Variants in NLGN1 observed in about 807,000 individuals in gnomAD.
NLGN1 encodes the protein neuroligin 1, also known as neuroligin-1.
NLGN1 carries 12 observed loss-of-function variants against 65.5 expected under a neutral mutation model. That is an observed-to-expected ratio of 0.18 (90% CI 0.12 to 0.30). NLGN1 has a LOEUF of 0.30. NLGN1 is among the 10% of genes least tolerant of loss of function. The probability of loss-of-function intolerance (pLI) is 1.00; values close to 1 mark genes in which losing one functional copy is unlikely to be tolerated. For synonymous variants in NLGN1, 350 were observed against 359.5 expected, an observed-to-expected ratio of 0.97 and a Z score of 0.30; for missense variants, 750 against 1,007.1, an observed-to-expected ratio of 0.74 and a Z score of 3.46.
At chr3:173,527,142 T>C (rs868448681) in intron 2 of NLGN1, among the ~76,000 whole-genome samples, 1 of 152,196 alleles carries the variant, frequency 6.6e-6, no homozygotes, top group Non-Finnish European at 1.5e-5. Flanking sequence ...GAGGAACCTC[T>C]ACACCTTTCT....
intron 4 of NLGN1, among the ~76,000 whole-genome samples, chr3:174,166,920 T>C (rs2152727689): frequency 6.6e-6 from 1 of 152,228 alleles, no homozygotes; most frequent in Middle Eastern, 3.4e-3. Flanking sequence ...ATATAACCTT[T>C]TGTTAATATG....
intron 2 of NLGN1, among the ~76,000 whole-genome samples, chr3:173,541,955 C>G (rs551348927): frequency 4.2e-4 from 64 of 151,904 alleles, no homozygotes; most frequent in African/African-American, 1.4e-3. Context: ...AAGTTAAATC[C>G]CTTACTTAGG....
intron 3 of NLGN1, among the ~76,000 whole-genome samples, chr3:173,711,383 A>G (rs6763697): frequency 0.058 from 8,825 of 152,268 alleles, 268 homozygotes; most frequent in South Asian, 0.077. Flanking sequence ...CAAAACATGA[A>G]GAAACAGAAG....
intron 2 of NLGN1, among the ~76,000 whole-genome samples, chr3:173,518,847 C>T (rs925115976): frequency 1.3e-5 from 2 of 152,142 alleles, no homozygotes; most frequent in Non-Finnish European, 2.9e-5. Context: ...ATTCGCATAA[C>T]TAAAAGGAAG....
At chr3:174,164,331 C>T (rs553789082) in intron 4 of NLGN1, among the ~76,000 whole-genome samples, 10 of 151,956 alleles carry the variant, frequency 6.6e-5, no homozygotes, top group Admixed American at 4.6e-4. Context: ...GGATATTAGA[C>T]CTTTGTCAGA....
intron 4 of NLGN1, among the ~76,000 whole-genome samples, chr3:174,146,203 C>A (rs989300490): frequency 2.7e-5 from 4 of 149,768 alleles, no homozygotes; most frequent in Admixed American, 2.0e-4. Context: ...TTTTACACTT[C>A]TGAAGTGGTT....
chr3:173,947,049 A>G (rs1454820557), intron 4 of NLGN1, among the ~76,000 whole-genome samples: 1 of 133,784 alleles, frequency 7.5e-6, no homozygotes, highest in Admixed American at 9.2e-5. Flanking sequence ...ACTATCTAGC[A>G]GTTGTTAGGA....
At chr3:173,732,804 T>C (rs1462271867) in intron 3 of NLGN1, among the ~76,000 whole-genome samples, 1 of 152,068 alleles carries the variant, frequency 6.6e-6, no homozygotes, top group African/African-American at 2.4e-5. Flanking sequence ...TGACTTTTAT[T>C]AGTAGATGTT....
intron 3 of NLGN1, among the ~76,000 whole-genome samples, chr3:173,711,333 T>A (rs1768940654): frequency 6.6e-6 from 1 of 152,166 alleles, no homozygotes; most frequent in Non-Finnish European, 1.5e-5. Context: ...AGTGTGTAAG[T>A]TGTTTTCAGT....
intron 4 of NLGN1, among the ~76,000 whole-genome samples, chr3:173,995,705 G>A (rs1225653872): frequency 2.3e-5 from 3 of 132,478 alleles, no homozygotes; most frequent in Admixed American, 8.4e-5. Context: ...GCTTTTTTTA[G>A]AGACAGGATC....
chr3:174,284,259 T>C (rs931414229), exon 7 of NLGN1: 2 of 151,366 alleles, frequency 1.3e-5, no homozygotes, highest in African/African-American at 4.8e-5. Flanking sequence ...GTTTTATAAT[T>C]GCAGTCTCTA....
chr3:173,892,214 T>C lies in NLGN1; in HGVS notation c.646+84382T>C, dbSNP rs116375754. Among the ~76,000 whole-genome samples, 882 of 151,962 alleles carry C rather than the reference T, an allele frequency of 5.8e-3. 10 individuals are homozygous for C. Among genetic ancestry groups the C allele is most frequent in the African/African-American group, 0.02 (826 of 41,432 alleles). ...TTGCATTTCCCTTATTTTTATGTAT[T>C]TGTATGTTAAATCCTTTGTTCTGCT... On this transcript the variant is annotated intron_variant, in intron 4 of 6. Coordinates refer to ENST00000457714, the Ensembl canonical transcript of NLGN1.
intron 4 of NLGN1, among the ~76,000 whole-genome samples, chr3:174,082,601 A>T (rs1308420135): frequency 6.6e-6 from 1 of 151,898 alleles, no homozygotes; most frequent in African/African-American, 2.4e-5. Context: ...TAGTAAAAGA[A>T]TATATACAAT....
exon 7 of NLGN1, chr3:174,286,281 A>T (rs1752105577): frequency 6.6e-6 from 1 of 151,498 alleles, no homozygotes; most frequent in Non-Finnish European, 1.5e-5. Flanking sequence ...TTAGTCCTTT[A>T]TGGAAAGTCA....
intron 4 of NLGN1, among the ~76,000 whole-genome samples, chr3:174,002,393 G>A (rs1475639782): frequency 6.6e-6 from 1 of 152,142 alleles, no homozygotes; most frequent in East Asian, 1.9e-4. Context: ...CTCCCAAACT[G>A]CCGGGATTAT....
At chr3:173,445,239 G>C (rs1408515631) in intron 2 of NLGN1, among the ~76,000 whole-genome samples, 1 of 133,006 alleles carries the variant, frequency 7.5e-6, no homozygotes, top group Non-Finnish European at 1.5e-5. Flanking sequence ...CTGCACTCCA[G>C]CCTGGGCGAC....
chr3:173,550,199 C>T lies in NLGN1; in HGVS notation c.-320-54080C>T, dbSNP rs116111910. Among the ~76,000 whole-genome samples the T allele has an allele frequency of 7.5e-3, 1,145 of 151,878 alleles. 15 individuals carry two copies. Among genetic ancestry groups the T allele is most frequent in the African/African-American group, 0.026 (1,092 of 41,426 alleles). ...AGACTTTTTTCAAGGGACATGTGAACGCCAATTATATTTAGATAATTAAAA... is the reference window on the plus strand; with the variant it reads ...AGACTTTTTTCAAGGGACATGTGAATGCCAATTATATTTAGATAATTAAAA... On this transcript the variant is annotated intron_variant, in intron 2 of 6. Coordinates refer to ENST00000457714, the Ensembl canonical transcript of NLGN1.
intron 3 of NLGN1, among the ~76,000 whole-genome samples, chr3:173,706,395 A>G (rs1768046365): frequency 6.6e-6 from 1 of 152,236 alleles, no homozygotes; most frequent in African/African-American, 2.4e-5. Flanking sequence ...AAACACTATC[A>G]TAACAAATAT....
intron 4 of NLGN1, among the ~76,000 whole-genome samples, chr3:174,175,271 C>T (rs1445224935): frequency 6.6e-6 from 1 of 151,878 alleles, no homozygotes; most frequent in Middle Eastern, 3.2e-3. Context: ...GTCTCTTTCT[C>T]TCTTCAACTC....
Sources: allele counts gnomAD v4.1 joint callset (sites outside exome capture counted in the v4.1 genomes callset), GRCh38; gene constraint gnomAD v4.1.1; transcripts MANE v1.5; gene names NCBI Gene and HGNC (gene_info 2026-07-23, HGNC 2026-07-21).